The following LIPI variants were observed in gnomAD, a reference collection of about 807,000 sequenced individuals.
LIPI encodes lipase member I.
A neutral mutation model predicts 50.6 loss-of-function variants in LIPI; 59 were observed. That is an observed-to-expected ratio of 1.16 (90% CI 0.94 to 1.45). The LOEUF (loss-of-function observed/expected upper bound fraction) is 1.45. Ranked by LOEUF, LIPI falls within the 40% of genes most tolerant of loss-of-function variation. The probability of loss-of-function intolerance (pLI) is 0.00; values close to 1 mark genes in which losing one functional copy is unlikely to be tolerated. For synonymous variants in LIPI, 203 were observed against 178.2 expected, an observed-to-expected ratio of 1.14 and a Z score of -1.11; for missense variants, 586 against 536.3, an observed-to-expected ratio of 1.09 and a Z score of -0.92.
At chr21:14,113,422 T>C (rs769521161) in intron 9 of LIPI, among the ~76,000 whole-genome samples, 1 of 152,204 alleles carries the variant, frequency 6.6e-6, no homozygotes, top group Non-Finnish European at 1.5e-5. Context: ...CTTATGAGAT[T>C]AAAAGCAGAT....
intron 7 of LIPI, among the ~76,000 whole-genome samples, chr21:14,158,332 G>A (rs148256018): frequency 5.1e-4 from 78 of 151,570 alleles, no homozygotes; most frequent in African/African-American, 1.8e-3. Flanking sequence ...ATTCAACAGC[G>A]TGCTTATAAA....
chr21:14,149,248 C>T (rs1026959079), intron 8 of LIPI, among the ~76,000 whole-genome samples: 3 of 152,098 alleles, frequency 2.0e-5, no homozygotes, highest in Non-Finnish European at 2.9e-5. Flanking sequence ...GAGAATCGAG[C>T]AAATAGAGAA....
At chr21:14,178,251 T>C (rs1242691408) in intron 4 of LIPI, among the ~76,000 whole-genome samples, 1 of 152,168 alleles carries the variant, frequency 6.6e-6, no homozygotes, top group Non-Finnish European at 1.5e-5. Context: ...TTTGGGAAAA[T>C]TATGAGATAA....
intron 1 of LIPI, chr21:14,206,877 G>A (rs781312488): frequency 1.2e-6 from 2 of 1,612,580 alleles, no homozygotes; most frequent in Non-Finnish European, 1.7e-6. Flanking sequence ...AAAAGCATGA[G>A]CACTATATTT....
Position 14,144,621 on chromosome 21 carries a change from A to G in LIPI, c.1295+2T>C. ...GTTGAAATCAAAATTTAATTTTCTT[A>G]CCTTTCTGGGTATGTAAGTGATTTT... On this transcript the variant is annotated splice_donor_variant, in intron 9 of 9. Transcript: ENST00000681601. LOFTEE classifies it high-confidence loss of function. 1 of 1,466,668 alleles carries G rather than the reference A, an allele frequency of 6.8e-7. No homozygotes were observed. Among genetic ancestry groups the G allele is most frequent in the Non-Finnish European group, 9.5e-7 (1 of 1,052,860 alleles). 90.9% of individuals were successfully genotyped at this position (1,466,668 alleles called of 1,614,324 possible). A position where few individuals can be genotyped will look rare whatever the true frequency, so the allele number is the denominator to read the frequency against.
At chr21:14,159,822 G>A (rs1008443566) in intron 7 of LIPI, among the ~76,000 whole-genome samples, 2 of 151,192 alleles carry the variant, frequency 1.3e-5, no homozygotes, top group South Asian at 2.1e-4. Context: ...CAAAAGATGC[G>A]ATCTCATTAC....
intron 9 of LIPI, among the ~76,000 whole-genome samples, chr21:14,124,313 GAAGA>G (rs2016971620): frequency 6.6e-6 from 1 of 152,182 alleles, no homozygotes; most frequent in Admixed American, 6.5e-5. Context: ...AGGGGGAGAT[GAAGA>G]AAGAATTCAT....
At chr21:14,197,101 G>A (rs1041784614) in intron 1 of LIPI, among the ~76,000 whole-genome samples, 4 of 150,348 alleles carry the variant, frequency 2.7e-5, no homozygotes, top group Non-Finnish European at 5.9e-5. Flanking sequence ...ACAATCTAAT[G>A]GCAAAATTCC....
chr21:14,203,096 C>T (rs1005305984), intron 1 of LIPI, among the ~76,000 whole-genome samples: 6 of 152,212 alleles, frequency 3.9e-5, no homozygotes, highest in Admixed American at 1.3e-4. Context: ...CTCGTCATCA[C>T]TGGCCATCAG....
At position 14,210,864 on chromosome 21, in the gene LIPI, A is replaced by G; in HGVS notation, c.-19T>C. 3.3e-6 allele frequency: 4 copies of G among 1,230,744 alleles called. No individual in the cohort carries two copies. The highest frequency in any genetic ancestry group is 4.2e-6 in the Non-Finnish European group (4 of 961,838). 76.2% of individuals were successfully genotyped at this position (1,230,744 alleles called of 1,614,324 possible). ...CTCTCATTTGGAATCTGAGAAAAGC[A>G]AAAACAGCACTCAATTCACCAAAAA... On this transcript the variant is annotated 5_prime_UTR_variant, in exon 1 of 10. Coordinates refer to ENST00000681601, the MANE Select transcript of LIPI (RefSeq NM_001302998.2).
At chr21:14,113,795 A>G (rs1475516700) in intron 9 of LIPI, among the ~76,000 whole-genome samples, 1 of 152,210 alleles carries the variant, frequency 6.6e-6, no homozygotes, top group African/African-American at 2.4e-5. Flanking sequence ...CATGGCTTGG[A>G]AGGCCTCAGG....
At chr21:14,210,204 A>C (rs1268543594) in intron 1 of LIPI, among the ~76,000 whole-genome samples, 1 of 152,078 alleles carries the variant, frequency 6.6e-6, no homozygotes, top group Non-Finnish European at 1.5e-5. Flanking sequence ...TCGAACAAGT[A>C]ATTCTACTTT....
chr21:14,173,647 A>G (rs1174591875), intron 4 of LIPI, among the ~76,000 whole-genome samples: 3 of 152,230 alleles, frequency 2.0e-5, no homozygotes, highest in Admixed American at 2.0e-4. Context: ...TAAAACAAAG[A>G]TAAATAGATG....
At chr21:14,171,595 G>T (rs1243666679) in intron 4 of LIPI, among the ~76,000 whole-genome samples, 1 of 150,742 alleles carries the variant, frequency 6.6e-6, no homozygotes, top group Non-Finnish European at 1.5e-5. Context: ...TGACAAACCT[G>T]AGAAAAACAA....
chr21:14,137,205 T>C (rs938907867), intron 9 of LIPI, among the ~76,000 whole-genome samples: 1 of 152,020 alleles, frequency 6.6e-6, no homozygotes, highest in African/African-American at 2.4e-5. Context: ...ATCAACACCA[T>C]GCAGGAAAAC....
rs75730972 is a variant in LIPI, at chr21:14,165,406, A to G, written c.734-16T>C. 0.056 allele frequency: 89,685 copies of G among 1,588,256 alleles called. 3,361 individuals are homozygous for G. The highest frequency in any genetic ancestry group is 0.22 in the East Asian group (9,638 of 44,574). The stretch of plus-strand genomic sequence containing the variant: ...AATTGAATTCCTTAAGGGTTAAAAA[A>G]AAAACAAAGAACTGTAGATGTATTA... On this transcript the variant is annotated splice_polypyrimidine_tract_variant and intron_variant, in intron 5 of 9. Coordinates refer to ENST00000681601, the MANE Select transcript of LIPI (RefSeq NM_001302998.2).
intron 9 of LIPI, among the ~76,000 whole-genome samples, chr21:14,141,635 TGTTTTG>T (rs1321817016): frequency 2.2e-5 from 1 of 45,794 alleles, no homozygotes; most frequent in Non-Finnish European, 3.9e-5. Context: ...ATTTTGTTGT[TGTTTTG>T]TTGTGTTTTT....
intron 9 of LIPI, among the ~76,000 whole-genome samples, chr21:14,131,452 ACT>A (rs913377396): frequency 1.3e-5 from 2 of 152,092 alleles, no homozygotes; most frequent in Non-Finnish European, 2.9e-5. Context: ...GTTAATACAG[ACT>A]CTGTGTACTG....
At chr21:14,161,223 C>T (rs779023594) in intron 7 of LIPI, among the ~76,000 whole-genome samples, 1 of 150,182 alleles carries the variant, frequency 6.7e-6, no homozygotes, top group African/African-American at 2.4e-5. Flanking sequence ...CCCAGATGCT[C>T]TTCAACAGGT....
Sources: allele counts gnomAD v4.1 joint callset (sites outside exome capture counted in the v4.1 genomes callset), GRCh38; gene constraint gnomAD v4.1.1; transcripts MANE v1.5; gene names NCBI Gene and HGNC (gene_info 2026-07-23, HGNC 2026-07-21).